Variants in ST6GALNAC5 observed in about 807,000 individuals in gnomAD.
ST6GALNAC5 encodes alpha-N-acetylgalactosaminide alpha-2,6-sialyltransferase 5.
A neutral mutation model predicts 33.6 loss-of-function variants in ST6GALNAC5; 27 were observed. That is an observed-to-expected ratio of 0.80 (90% CI 0.59 to 1.11). The LOEUF (loss-of-function observed/expected upper bound fraction) is 1.11, where lower values mean the gene tolerates loss of function less well. Among genes scored for constraint, ST6GALNAC5 ranks in the 50% least tolerant of loss-of-function variants. The probability of loss-of-function intolerance (pLI) is 0.00; values close to 1 mark genes in which losing one functional copy is unlikely to be tolerated. For synonymous variants in ST6GALNAC5, 194 were observed against 171.2 expected (o/e 1.13, Z -1.04); for missense variants, 428 against 454.0 (o/e 0.94, Z 0.52).
chr1:77,056,529 T>A (rs1333023243), intron 4 of ST6GALNAC5, among the ~76,000 whole-genome samples: 3 of 152,142 alleles, frequency 2.0e-5, no homozygotes, highest in Non-Finnish European at 4.4e-5. Context: ...GAAGGACATC[T>A]CAAAGGTATC....
At chr1:76,987,655 C>A (rs1649566586) in intron 2 of ST6GALNAC5, among the ~76,000 whole-genome samples, 1 of 152,094 alleles carries the variant, frequency 6.6e-6, no homozygotes. Flanking sequence ...CATAGCAGCA[C>A]CAGACACAAC....
chr1:77,017,475 C>T (rs529057293), intron 2 of ST6GALNAC5, among the ~76,000 whole-genome samples: 2 of 152,282 alleles, frequency 1.3e-5, no homozygotes, highest in African/African-American at 4.8e-5. Context: ...GGGAGCATGG[C>T]CTCTCTGCAC....
chr1:76,913,090 A>G (rs1646931129), intron 2 of ST6GALNAC5, among the ~76,000 whole-genome samples: 1 of 152,040 alleles, frequency 6.6e-6, no homozygotes, highest in African/African-American at 2.4e-5. Flanking sequence ...TGCCTCCTTC[A>G]GGAGCTCTTT....
intron 2 of ST6GALNAC5, among the ~76,000 whole-genome samples, chr1:76,938,082 A>G (rs1647234860): frequency 6.6e-6 from 1 of 152,092 alleles, no homozygotes; most frequent in Non-Finnish European, 1.5e-5. Flanking sequence ...TTAGATTGGA[A>G]ACAAAAGGAG....
At chr1:76,912,934 G>T (rs997291790) in intron 2 of ST6GALNAC5, among the ~76,000 whole-genome samples, 1 of 151,058 alleles carries the variant, frequency 6.6e-6, no homozygotes, top group African/African-American at 2.4e-5. Context: ...AGTTAATATT[G>T]TTATGTGTGA....
At chr1:77,036,552 C>G (rs1297069072) in intron 2 of ST6GALNAC5, among the ~76,000 whole-genome samples, 1 of 152,156 alleles carries the variant, frequency 6.6e-6, no homozygotes, top group Non-Finnish European at 1.5e-5. Flanking sequence ...ATGCAGATTC[C>G]AAATACTGGG....
intron 2 of ST6GALNAC5, among the ~76,000 whole-genome samples, chr1:76,939,999 A>G (rs1217747578): frequency 6.6e-6 from 1 of 152,060 alleles, no homozygotes; most frequent in Non-Finnish European, 1.5e-5. Context: ...AATTGTTGAT[A>G]TGTGAATGCA....
intron 2 of ST6GALNAC5, among the ~76,000 whole-genome samples, chr1:77,000,960 G>T (rs1243083298): frequency 2.0e-5 from 3 of 151,490 alleles, no homozygotes; most frequent in Non-Finnish European, 4.4e-5. Context: ...GCTTAGGATT[G>T]CCTTGGCGAT....
rs147806725 is a variant in ST6GALNAC5, at chr1:76,936,381, T to C, written c.261+67639T>C. On this transcript the variant is annotated intron_variant, in intron 2 of 4. Transcript: ENST00000477717. ...TTTTTAAAGCAAATGTCTGATTCAT[T>C]GTCTTTAATTTGGAGCAACAGACTT... 8.0e-4 allele frequency among the ~76,000 whole-genome samples: 122 copies of C among 152,186 alleles called. 1 individual carries two copies. Among genetic ancestry groups the C allele is most frequent in the Non-Finnish European group, 1.3e-3 (88 of 67,964 alleles).
chr1:76,966,043 T>C (rs1648460446), intron 2 of ST6GALNAC5, among the ~76,000 whole-genome samples: 1 of 152,224 alleles, frequency 6.6e-6, no homozygotes, highest in South Asian at 2.1e-4. Flanking sequence ...GGTAGCGTGA[T>C]GCCTCCAGCT....
At chr1:76,980,998 T>C (rs1324082338) in intron 2 of ST6GALNAC5, among the ~76,000 whole-genome samples, 2 of 152,150 alleles carry the variant, frequency 1.3e-5, no homozygotes, top group African/African-American at 2.4e-5. Context: ...TTTAAAATAA[T>C]ATGTAATGAA....
intron 2 of ST6GALNAC5, among the ~76,000 whole-genome samples, chr1:76,904,240 G>A (rs768200958): frequency 4.6e-5 from 7 of 152,084 alleles, no homozygotes; most frequent in Non-Finnish European, 5.9e-5. Context: ...CTGCGAGGTC[G>A]GTAAGGGATC....
intron 2 of ST6GALNAC5, among the ~76,000 whole-genome samples, chr1:76,913,020 T>C (rs1646930347): frequency 6.6e-6 from 1 of 152,160 alleles, no homozygotes; most frequent in Non-Finnish European, 1.5e-5. Flanking sequence ...GTCTCCATGG[T>C]CTTTACATTT....
At chr1:76,974,799 T>TTTTTTTTTTTG (rs1648936694) in intron 2 of ST6GALNAC5, among the ~76,000 whole-genome samples, 1 of 136,016 alleles carries the variant, frequency 7.4e-6, no homozygotes, top group African/African-American at 2.8e-5. Flanking sequence ...TTTTTTTTTT[T>TTTTTTTTTTTG]GAGGCAGAGT....
chr1:76,910,885 A>C (rs143137661), intron 2 of ST6GALNAC5, among the ~76,000 whole-genome samples: 2,275 of 152,148 alleles, frequency 0.015, 32 homozygotes, highest in Admixed American at 0.024. Flanking sequence ...CAAGGCAAAA[A>C]AAAAAAGAGC....
At chr1:76,965,760 A>C (rs1648444907) in intron 2 of ST6GALNAC5, among the ~76,000 whole-genome samples, 1 of 152,192 alleles carries the variant, frequency 6.6e-6, no homozygotes, top group African/African-American at 2.4e-5. Flanking sequence ...TTAAGTCTTT[A>C]ATCCATCTTG....
intron 2 of ST6GALNAC5, among the ~76,000 whole-genome samples, chr1:76,927,937 C>T (rs1647101725): frequency 6.6e-6 from 1 of 152,112 alleles, no homozygotes; most frequent in Non-Finnish European, 1.5e-5. Flanking sequence ...ATTAATGCTG[C>T]TTTCCAGAAG....
intron 2 of ST6GALNAC5, among the ~76,000 whole-genome samples, chr1:76,986,498 A>G (rs1649501889): frequency 6.6e-6 from 1 of 152,228 alleles, no homozygotes; most frequent in African/African-American, 2.4e-5. Context: ...GGCAATCATT[A>G]AAAAGTCAGG....
At chr1:77,010,964 C>G (rs1311524278) in intron 2 of ST6GALNAC5, among the ~76,000 whole-genome samples, 1 of 152,218 alleles carries the variant, frequency 6.6e-6, no homozygotes, top group Non-Finnish European at 1.5e-5. Flanking sequence ...CCTCAAGAGG[C>G]AGAAATGTCT....
Sources: allele counts gnomAD v4.1 joint callset (sites outside exome capture counted in the v4.1 genomes callset), GRCh38; gene constraint gnomAD v4.1.1; transcripts MANE v1.5; gene names NCBI Gene and HGNC (gene_info 2026-07-23, HGNC 2026-07-21).